The following FGGY variants were observed in gnomAD, a reference collection of about 807,000 sequenced individuals.
FGGY encodes the protein FGGY carbohydrate kinase domain-containing protein.
A neutral mutation model predicts 71.3 loss-of-function variants in FGGY; 72 were observed. That is an observed-to-expected ratio of 1.01 (90% CI 0.84 to 1.23). FGGY has a LOEUF of 1.23. Ranked by LOEUF, FGGY falls within the 50% of genes most tolerant of loss-of-function variation. FGGY has a pLI of 0.00. For missense variants in FGGY, 668 were observed against 682.3 expected (o/e 0.98, Z 0.23); for synonymous variants, 251 against 250.3 (o/e 1.00, Z -0.02).
intron 12 of FGGY, among the ~76,000 whole-genome samples, chr1:59,666,424 C>A (rs530690111): frequency 6.6e-6 from 1 of 152,232 alleles, no homozygotes; most frequent in Non-Finnish European, 1.5e-5. Context: ...TTTTGATTTT[C>A]GAACTCTAGT....
In FGGY at chr1:59,610,254, C is replaced by T. The variant is rs548479032; in HGVS notation, c.1011+2344C>T. Among the ~76,000 whole-genome samples, 5 of 152,100 alleles carry T rather than the reference C, an allele frequency of 3.3e-5. No individual in the cohort carries two copies. In the South Asian group the frequency reaches 1.0e-3, roughly 32 times the overall value. ...CCCTTGCCCCTAACTCCCCAACTGGCCCCAGTATGTGTTGTCCCCCTCTCT... is the reference window on the plus strand; with the variant it reads ...CCCTTGCCCCTAACTCCCCAACTGGTCCCAGTATGTGTTGTCCCCCTCTCT... On this transcript the variant is annotated intron_variant, in intron 9 of 15. Transcript: ENST00000303721.
At chr1:59,522,829 A>T (rs1465416025) in intron 7 of FGGY, among the ~76,000 whole-genome samples, 1 of 152,200 alleles carries the variant, frequency 6.6e-6, no homozygotes. Flanking sequence ...CTCTGTCTTC[A>T]CATCAGCTTT....
chr1:59,497,657 G>A (rs2094083918), intron 6 of FGGY, among the ~76,000 whole-genome samples: 1 of 152,112 alleles, frequency 6.6e-6, no homozygotes, highest in Non-Finnish European at 1.5e-5. Context: ...AGCAAGAATT[G>A]CCCATTTCTG....
intron 8 of FGGY, among the ~76,000 whole-genome samples, chr1:59,590,477 C>T (rs887099608): frequency 3.3e-5 from 5 of 152,070 alleles, no homozygotes; most frequent in Admixed American, 3.3e-4. Context: ...CTGGCAGAGA[C>T]ACAACCAAAA....
intron 4 of FGGY, among the ~76,000 whole-genome samples, chr1:59,361,749 C>T (rs969025968): frequency 1.2e-4 from 19 of 152,158 alleles, no homozygotes; most frequent in Non-Finnish European, 2.8e-4. Flanking sequence ...AAGACCTGGA[C>T]CTGAGAACTC....
intron 7 of FGGY, among the ~76,000 whole-genome samples, chr1:59,532,198 A>C (rs1289828047): frequency 6.6e-6 from 1 of 152,224 alleles, no homozygotes; most frequent in East Asian, 1.9e-4. Flanking sequence ...TGAAACTAAT[A>C]ACTGAGATTA....
intron 2 of FGGY, among the ~76,000 whole-genome samples, chr1:59,329,807 C>T (rs940147357): frequency 2.6e-5 from 4 of 152,212 alleles, no homozygotes; most frequent in African/African-American, 7.2e-5. Context: ...ATAGTAATTA[C>T]AATTAAATAT....
chr1:59,505,697 C>T (rs936522692), intron 6 of FGGY, among the ~76,000 whole-genome samples: 48 of 152,172 alleles, frequency 3.2e-4, no homozygotes, highest in African/African-American at 1.1e-3. Flanking sequence ...CCCCCACTTA[C>T]CCCTTCCTGG....
At chr1:59,591,158 G>A (rs2096427800) in intron 8 of FGGY, among the ~76,000 whole-genome samples, 1 of 152,156 alleles carries the variant, frequency 6.6e-6, no homozygotes, top group Non-Finnish European at 1.5e-5. Context: ...GACAAAGAGA[G>A]AGCCAAATAA....
intron 8 of FGGY, among the ~76,000 whole-genome samples, chr1:59,574,953 A>G (rs543499729): frequency 1.2e-4 from 19 of 152,298 alleles, no homozygotes; most frequent in Middle Eastern, 3.4e-3. Flanking sequence ...TATGGTTTTT[A>G]AAAAGTGTAT....
intron 4 of FGGY, among the ~76,000 whole-genome samples, chr1:59,352,258 T>C (rs2053460099): frequency 6.6e-6 from 1 of 152,108 alleles, no homozygotes; most frequent in Admixed American, 6.6e-5. Context: ...GTCAAGAGAG[T>C]TGCTGAGCTG....
chr1:59,651,116 T>C (rs1448951618), intron 11 of FGGY, among the ~76,000 whole-genome samples: 8 of 151,406 alleles, frequency 5.3e-5, no homozygotes, highest in Admixed American at 2.0e-4. Context: ...GTCTGAGAGA[T>C]AGTTTGTTAT....
At chr1:59,339,717 CCTCCCAAAGTGCTGGGA>C (rs149850366) in intron 2 of FGGY, among the ~76,000 whole-genome samples, 4,489 of 152,238 alleles carry the variant, frequency 0.029, 190 homozygotes, top group African/African-American at 0.1. Flanking sequence ...CCCACTTCGG[CCTCCCAAAGTGCTGGGA>C]TTACAGGTGT....
chr1:59,656,242 CCTT>C (rs1223663210), intron 11 of FGGY, among the ~76,000 whole-genome samples: 1 of 152,214 alleles, frequency 6.6e-6, no homozygotes, highest in Non-Finnish European at 1.5e-5. Context: ...TAAACACACT[CCTT>C]CTACTCATGC....
intron 3 of FGGY, among the ~76,000 whole-genome samples, chr1:59,340,856 T>G (rs1372665383): frequency 6.6e-6 from 1 of 152,194 alleles, no homozygotes; most frequent in Admixed American, 6.5e-5. Flanking sequence ...CAACTGATAT[T>G]TAACCTTGTA....
intron 6 of FGGY, among the ~76,000 whole-genome samples, chr1:59,470,987 A>G: frequency 6.6e-6 from 1 of 152,220 alleles, no homozygotes; most frequent in East Asian, 1.9e-4. Flanking sequence ...ATCTTTAACT[A>G]CAGGTAATCC....
At chr1:59,561,509 A>G (rs1448197468) in intron 8 of FGGY, among the ~76,000 whole-genome samples, 1 of 152,226 alleles carries the variant, frequency 6.6e-6, no homozygotes, top group Non-Finnish European at 1.5e-5. Flanking sequence ...TAGAAACATT[A>G]TGCTGGACTG....
At chr1:59,418,843 A>G (rs547700938) in intron 5 of FGGY, among the ~76,000 whole-genome samples, 4 of 152,294 alleles carry the variant, frequency 2.6e-5, no homozygotes, top group African/African-American at 9.6e-5. Flanking sequence ...AAGCAGCCTA[A>G]GACAGGCCAT....
intron 14 of FGGY, among the ~76,000 whole-genome samples, chr1:59,715,489 G>A (rs934392672): frequency 3.3e-5 from 5 of 152,176 alleles, no homozygotes; most frequent in African/African-American, 7.2e-5. Flanking sequence ...TTCCCCTTGG[G>A]TCAATGAAAT....
Sources: gnomAD v4.1 joint callset for allele counts (sites outside exome capture counted in the v4.1 genomes callset) on GRCh38, gnomAD v4.1.1 for gene constraint, MANE v1.5 for transcripts, NCBI Gene and HGNC (gene_info 2026-07-23, HGNC 2026-07-21) for gene names.